The following FAHD1 variants were observed in gnomAD, a reference collection of about 807,000 sequenced individuals.
FAHD1 encodes the protein oxaloacetate tautomerase FAHD1, mitochondrial.
A neutral mutation model predicts 12.7 loss-of-function variants in FAHD1; 14 were observed. The observed-to-expected ratio is 1.10, with a 90% CI of 0.73 to 1.72. FAHD1 has a LOEUF of 1.72. Ranked by LOEUF, FAHD1 falls within the 40% of genes most tolerant of loss-of-function variation. FAHD1 has a pLI of 0.00. For synonymous variants in FAHD1, 153 were observed against 124.9 expected (o/e 1.22, Z -1.50); for missense variants, 351 against 298.9 (o/e 1.17, Z -1.29).
exon 1 of FAHD1, chr16:1,827,380 G>A: frequency 1.2e-6 from 2 of 1,612,400 alleles, no homozygotes; most frequent in Non-Finnish European, 1.7e-6. Context: ...GCCGTCCACG[G>A]CCTACGCGCC....
At chr16:1,838,153 T>C (rs1201591284) in intron 2 of FAHD1, 1 of 519,344 alleles carries the variant, frequency 1.9e-6, no homozygotes, top group African/African-American at 1.9e-5. Context: ...TACTCTTCTC[T>C]GGCTAATTGT....
chr16:1,827,696 T>G (rs768048752), exon 1 of FAHD1: 20 of 1,613,984 alleles, frequency 1.2e-5, no homozygotes, highest in Non-Finnish European at 1.7e-6. Context: ...AACGGCGAAC[T>G]CAGACAGGAG....
chr16:1,834,932 T>TGGGGGGGGGGGGGGGGGGGGGGGGGG, intron 1 of FAHD1, among the ~76,000 whole-genome samples: 1 of 106,312 alleles, frequency 9.4e-6, no homozygotes, highest in East Asian at 3.6e-4. Flanking sequence ...CGAAACTCTG[T>TGGGGGGGGGGGGGGGGGGGGGGGGGG]CCCCCCCACC....
downstream of FAHD1, chr16:1,829,042 C>A: frequency 2.2e-6 from 1 of 462,434 alleles, no homozygotes; most frequent in Non-Finnish European, 2.9e-6. Flanking sequence ...AGTTAATCAG[C>A]AACTGTACTT....
At chr16:1,827,601 C>A (rs752036004) in exon 1 of FAHD1, 9 of 1,613,858 alleles carry the variant, frequency 5.6e-6, no homozygotes, top group Non-Finnish European at 6.8e-6. Flanking sequence ...TGGCGAAGAG[C>A]TTCACGGCGT....
Position 1,839,329 on chromosome 16 carries a change from GATCA to G in FAHD1, c.*81_*84del, listed in dbSNP as rs766633975. On this transcript the variant is annotated 3_prime_UTR_variant, in exon 3 of 3. Transcript: ENST00000382666. ...TGAAGGGTGCCTGTGTGATCAGTCA[GATCA>G]ATCAGCACATGGAAACTGAGAAAGA... The G allele has an allele frequency of 2.4e-5, 39 of 1,614,196 alleles. 1 individual carries two copies. In the South Asian group the frequency reaches 4.0e-4, roughly 16 times the overall value.
chr16:1,839,693 C>G lies in FAHD1; in HGVS notation c.*440C>G, dbSNP rs534171954. ...TCCTTCCCTCCCTCTGCCAAGCCCTCGAGGTCCATCCCAGTCTCATTTCCT... is the reference window on the plus strand; with the variant it reads ...TCCTTCCCTCCCTCTGCCAAGCCCTGGAGGTCCATCCCAGTCTCATTTCCT... On this transcript the variant is annotated 3_prime_UTR_variant, in exon 3 of 3. Coordinates refer to the FAHD1 transcript ENST00000382666. The G allele has an allele frequency of 7.0e-5, 28 of 402,748 alleles. 1 individual carries two copies. The South Asian group carries it at 8.4e-4, about 12-fold the overall frequency. 24.9% of individuals were successfully genotyped at this position (402,748 alleles called of 1,614,324 possible). A position where few individuals can be genotyped will look rare whatever the true frequency, so the allele number is the denominator to read the frequency against.
intron 1 of FAHD1, among the ~76,000 whole-genome samples, chr16:1,836,990 G>A (rs542301200): frequency 1.3e-5 from 2 of 152,254 alleles, no homozygotes; most frequent in South Asian, 2.1e-4. Context: ...TAGGCTGGCT[G>A]GGTCCAGTCT....
intron 2 of FAHD1, among the ~76,000 whole-genome samples, chr16:1,838,753 G>A (rs953818378): frequency 1.3e-5 from 2 of 152,044 alleles, no homozygotes; most frequent in African/African-American, 2.4e-5. Flanking sequence ...GTGCAGTGGC[G>A]TGATCTTGGC....
At chr16:1,834,153 T>G in intron 1 of FAHD1, 1 of 673,612 alleles carries the variant, frequency 1.5e-6, no homozygotes, top group South Asian at 1.9e-5. Context: ...GTTCACCACA[T>G]GTAAACAAAA....
chr16:1,827,219 A>C (rs753016924), exon 1 of FAHD1: 2 of 1,593,890 alleles, frequency 1.3e-6, no homozygotes, highest in South Asian at 1.1e-5. Context: ...ACGTGACTAC[A>C]GGGGCACTTG....
chr16:1,829,421 G>A (rs72762855), downstream of FAHD1, among the ~76,000 whole-genome samples: 27,021 of 152,100 alleles, frequency 0.18, 2,561 homozygotes, highest in South Asian at 0.27. Flanking sequence ...TCTAGAGGCT[G>A]CGAAGGCTGG....
At chr16:1,838,307 C>G (rs62038406) in intron 2 of FAHD1, among the ~76,000 whole-genome samples, 4 of 151,972 alleles carry the variant, frequency 2.6e-5, no homozygotes, top group African/African-American at 4.8e-5. Context: ...GCCAACTCAA[C>G]TGTTTTGATA....
chr16:1,837,524 T>A (rs1406815028), intron 1 of FAHD1, among the ~76,000 whole-genome samples: 3 of 152,210 alleles, frequency 2.0e-5, no homozygotes, highest in Non-Finnish European at 4.4e-5. Flanking sequence ...TTTAAAGCCC[T>A]TTCCCCTGTT....
intron 1 of FAHD1, chr16:1,837,898 T>C (rs1898792547): frequency 6.8e-7 from 1 of 1,476,342 alleles, no homozygotes; most frequent in Admixed American, 2.6e-5. Context: ...ATGAGACAAA[T>C]ATATTTGAAG....
chr16:1,828,276 A>C (rs1276159278), exon 1 of FAHD1: 1 of 701,318 alleles, frequency 1.4e-6, no homozygotes, highest in African/African-American at 2.0e-5. Context: ...CTCCGTCTCA[A>C]AAAAAAAAAA....
exon 1 of FAHD1, chr16:1,827,766 C>G (rs759635482): frequency 6.2e-7 from 1 of 1,614,094 alleles, no homozygotes; most frequent in South Asian, 1.1e-5. Context: ...TTTCTAAGAT[C>G]ATAACCTTGG....
At chr16:1,838,801 C>T (rs530695882) in intron 2 of FAHD1, among the ~76,000 whole-genome samples, 3 of 152,190 alleles carry the variant, frequency 2.0e-5, no homozygotes, top group African/African-American at 4.8e-5. Flanking sequence ...AAGTGATTCT[C>T]GTGCCCCAGC....
downstream of FAHD1, among the ~76,000 whole-genome samples, chr16:1,832,793 C>T (rs1481326425): frequency 6.6e-6 from 1 of 152,040 alleles, no homozygotes; most frequent in Non-Finnish European, 1.5e-5. Flanking sequence ...GTCCACCCTC[C>T]CCATTCACCT....
Sources: gnomAD v4.1 joint callset for allele counts (sites outside exome capture counted in the v4.1 genomes callset) on GRCh38, gnomAD v4.1.1 for gene constraint, MANE v1.5 for transcripts, NCBI Gene and HGNC (gene_info 2026-07-23, HGNC 2026-07-21) for gene names.